Variants in UGGT2 observed in about 807,000 individuals in gnomAD.
UGGT2 encodes the protein UDP-glucose:glycoprotein glucosyltransferase 2.
A neutral mutation model predicts 192.1 loss-of-function variants in UGGT2; 180 were observed. That is an observed-to-expected ratio of 0.94 (90% confidence interval 0.83 to 1.06). UGGT2 has a LOEUF of 1.06. Ranked by LOEUF, UGGT2 falls within the 50% of genes least tolerant of loss-of-function variation. UGGT2 has a pLI of 0.00. For missense variants in UGGT2, 1,849 were observed against 1,795.7 expected, an observed-to-expected ratio of 1.03 and a Z score of -0.54; for synonymous variants, 580 against 591.0, an observed-to-expected ratio of 0.98 and a Z score of 0.27.
chr13:95,825,592 C>T (rs1885950993), intron 38 of UGGT2, among the ~76,000 whole-genome samples: 1 of 152,290 alleles, frequency 6.6e-6, no homozygotes, highest in African/African-American at 2.4e-5. Flanking sequence ...TGCAGTCACC[C>T]TGAAGTGTTC....
At chr13:95,903,616 T>C (rs200617121) in intron 20 of UGGT2, among the ~76,000 whole-genome samples, 5 of 62,036 alleles carry the variant, frequency 8.1e-5, no homozygotes, top group Admixed American at 6.7e-4. Flanking sequence ...CCCCACTCAA[T>C]AATGTGAGAT....
intron 2 of UGGT2, among the ~76,000 whole-genome samples, chr13:96,026,985 TAACA>T (rs1437311293): frequency 6.6e-6 from 1 of 152,184 alleles, no homozygotes; most frequent in Non-Finnish European, 1.5e-5. Context: ...CTTAATTCTT[TAACA>T]AACTATAGAT....
At chr13:96,009,374 G>C (rs901416977) in intron 5 of UGGT2, among the ~76,000 whole-genome samples, 1 of 152,136 alleles carries the variant, frequency 6.6e-6, no homozygotes, top group South Asian at 2.1e-4. Flanking sequence ...CTTCTGCACA[G>C]CAAAAGAAAT....
Position 95,939,934 on chromosome 13 carries a change from CT to C in UGGT2, c.1812+22del, listed in dbSNP as rs759520854. ...GTCTTTCTGTGCCTGGCCTACTCCA[CT>C]TAACATAATGTCCCAACTTACCTTT... is the stretch of plus-strand genomic sequence containing the variant. On this transcript the variant is annotated intron_variant, in intron 16 of 38. Coordinates refer to ENST00000376747, the MANE Select transcript of UGGT2 (RefSeq NM_020121.4). 12 of 1,575,428 alleles carry C rather than the reference CT, an allele frequency of 7.6e-6. No individual in the cohort carries two copies. In the South Asian group the frequency reaches 1.4e-4, roughly 18 times the overall value.
At chr13:96,008,296 G>C (rs1344319942) in intron 5 of UGGT2, among the ~76,000 whole-genome samples, 1 of 152,068 alleles carries the variant, frequency 6.6e-6, no homozygotes, top group East Asian at 1.9e-4. Flanking sequence ...CATCTGACAA[G>C]GGATTAATAT....
At chr13:95,881,682 ATT>A (rs2047500416) in intron 27 of UGGT2, among the ~76,000 whole-genome samples, 1 of 152,196 alleles carries the variant, frequency 6.6e-6, no homozygotes, top group Non-Finnish European at 1.5e-5. Flanking sequence ...GCCACATCCT[ATT>A]CCTGTTAGCA....
intron 24 of UGGT2, among the ~76,000 whole-genome samples, chr13:95,892,486 T>C (rs2047830177): frequency 6.6e-6 from 1 of 152,094 alleles, no homozygotes; most frequent in African/African-American, 2.4e-5. Context: ...GACAGTTAAT[T>C]AATTATTAAA....
chr13:95,868,384 C>T (rs1365576635), intron 29 of UGGT2, among the ~76,000 whole-genome samples: 1 of 151,386 alleles, frequency 6.6e-6, no homozygotes, highest in Non-Finnish European at 1.5e-5. Flanking sequence ...TCGCTTGAGT[C>T]TAGGAGTTTG....
At chr13:95,826,026 G>A (rs561882462) in intron 38 of UGGT2, among the ~76,000 whole-genome samples, 222 of 151,814 alleles carry the variant, frequency 1.5e-3, no homozygotes, top group Non-Finnish European at 2.6e-3. Context: ...AAAATGATTC[G>A]ATATTAGGAA....
At chr13:96,043,034 A>T (rs1320161061) in intron 1 of UGGT2, among the ~76,000 whole-genome samples, 2 of 152,196 alleles carry the variant, frequency 1.3e-5, no homozygotes, top group Non-Finnish European at 2.9e-5. Flanking sequence ...ATTCAACACA[A>T]AAAGATCATT....
intron 38 of UGGT2, among the ~76,000 whole-genome samples, chr13:95,819,644 A>G (rs956955031): frequency 6.6e-6 from 1 of 152,240 alleles, no homozygotes; most frequent in Non-Finnish European, 1.5e-5. Flanking sequence ...AAACAACAAT[A>G]GATTGTAAAA....
intron 30 of UGGT2, 71 bp from the exon 31 acceptor site, chr13:95,863,785 A>G: frequency 8.1e-7 from 1 of 1,228,922 alleles, no homozygotes; most frequent in East Asian, 2.3e-5. Flanking sequence ...AGAAAGTGAA[A>G]CATATTGGGC....
In UGGT2 at chr13:95,999,271, C is replaced by A; in HGVS notation, c.697G>T (p.Gly233Cys). The change falls in exon 6 of 39, where the codon GGT becomes TGT. Residue 233 changes from glycine (G) to cysteine (C), a missense_variant. Gly to Cys is a radical substitution (Grantham distance 159). Transcript: ENST00000376747. ...SSRKMYLSGY[G>C]VELAIKSTEY... ...GTACTCTTAATTGCTAGCTCCACAC[C>A]ATACCCAGATAAGTACATTTTCCGT... 6.2e-7 allele frequency: 1 copy of A among 1,613,612 alleles called. No individual in the cohort carries two copies. The highest frequency in any genetic ancestry group is 8.5e-7 in the Non-Finnish European group (1 of 1,179,722).
At chr13:95,829,456 A>T (rs1322980710) in intron 38 of UGGT2, among the ~76,000 whole-genome samples, 1 of 152,234 alleles carries the variant, frequency 6.6e-6, no homozygotes, top group Non-Finnish European at 1.5e-5. Context: ...TAAGCTGATA[A>T]GCAACTTCAG....
At chr13:95,892,644 A>C (rs1466490115) in intron 24 of UGGT2, among the ~76,000 whole-genome samples, 1 of 152,158 alleles carries the variant, frequency 6.6e-6, no homozygotes, top group Non-Finnish European at 1.5e-5. Context: ...CCTATCTATA[A>C]AATAGGTCAA....
In UGGT2 at chr13:95,859,745, G is replaced by T. The variant is rs562463511; in HGVS notation, c.3741-70C>A. The T allele has an allele frequency of 1.2e-4, 137 of 1,162,330 alleles. 1 individual carries two copies. In the East Asian group the frequency reaches 2.4e-3, roughly 20 times the overall value. 72.0% of individuals were successfully genotyped at this position (1,162,330 alleles called of 1,614,324 possible). A position where few individuals can be genotyped will look rare whatever the true frequency, so the allele number is the denominator to read the frequency against. On this transcript the variant is annotated intron_variant, in intron 32 of 38. Transcript: ENST00000376747. ...GAGCTCATATATATTTTTTAACCTT[G>T]AAGTGTTTTTTAAAATTTAATTTTA...
At chr13:95,958,869 A>T (rs1457530073) in intron 12 of UGGT2, among the ~76,000 whole-genome samples, 1 of 152,196 alleles carries the variant, frequency 6.6e-6, no homozygotes, top group African/African-American at 2.4e-5. Context: ...GACCCTCAGC[A>T]GTCCACGTTT....
chr13:96,027,763 G>A (rs981742479), intron 2 of UGGT2, among the ~76,000 whole-genome samples: 3 of 152,160 alleles, frequency 2.0e-5, no homozygotes, highest in African/African-American at 7.2e-5. Context: ...GATATGAAAA[G>A]CTTTACTCAC....
intron 20 of UGGT2, among the ~76,000 whole-genome samples, chr13:95,920,344 T>C (rs547468067): frequency 6.6e-6 from 1 of 151,996 alleles, no homozygotes; most frequent in East Asian, 1.9e-4. Context: ...AATTGGCAAA[T>C]GGGATATATT....
Sources: gnomAD v4.1 joint callset for allele counts (sites outside exome capture counted in the v4.1 genomes callset) on GRCh38, gnomAD v4.1.1 for gene constraint, MANE v1.5 for transcripts, NCBI Gene and HGNC (gene_info 2026-07-23, HGNC 2026-07-21) for gene names.